Variants in PLEKHG1 observed in about 807,000 individuals in gnomAD.
PLEKHG1 encodes pleckstrin homology and RhoGEF domain containing G1, also known as pleckstrin homology domain-containing family G member 1.
Under a neutral mutation model 100.8 loss-of-function variants are expected in PLEKHG1, and 44 were observed. That is an observed-to-expected ratio of 0.44 (90% CI 0.34 to 0.56). The LOEUF (loss-of-function observed/expected upper bound fraction) is 0.56. Among genes scored for constraint, PLEKHG1 ranks in the 20% least tolerant of loss-of-function variants. The pLI is 0.01. For missense variants in PLEKHG1, 1,545 were observed against 1,720.9 expected (o/e 0.90, Z 1.81); for synonymous variants, 640 against 662.5 (o/e 0.97, Z 0.52).
At chr6:150,621,049 G>A (rs920617264) in intron 1 of PLEKHG1, among the ~76,000 whole-genome samples, 1 of 152,180 alleles carries the variant, frequency 6.6e-6, no homozygotes, top group African/African-American at 2.4e-5. Context: ...GTCTCTCTGT[G>A]CCTCAGTTTT....
intron 5 of PLEKHG1, among the ~76,000 whole-genome samples, chr6:150,797,605 C>T (rs181997715): frequency 3.3e-5 from 5 of 151,834 alleles, no homozygotes; most frequent in East Asian, 1.9e-4. Flanking sequence ...GAGGCCAAGG[C>T]AGGCACATCA....
chr6:150,803,675 T>C (rs1405853283), intron 6 of PLEKHG1, among the ~76,000 whole-genome samples: 1 of 152,184 alleles, frequency 6.6e-6, no homozygotes, highest in Non-Finnish European at 1.5e-5. Flanking sequence ...CTCTCAAGGA[T>C]TGTCTTTAGT....
At chr6:150,747,819 T>G (rs144314012) in intron 2 of PLEKHG1, among the ~76,000 whole-genome samples, 12,982 of 151,346 alleles carry the variant, frequency 0.086, 627 homozygotes, top group Admixed American at 0.14. Flanking sequence ...TCGCTTGAAC[T>G]CAGGAGGTGG....
At chr6:150,750,246 A>G (rs1219490573) in intron 2 of PLEKHG1, among the ~76,000 whole-genome samples, 1 of 152,350 alleles carries the variant, frequency 6.6e-6, no homozygotes, top group East Asian at 1.9e-4. Context: ...AAGCGACTAA[A>G]GGCTATTGCC....
rs115958960 is a variant in PLEKHG1, at chr6:150,836,462, T to C, written c.3095-3371T>C. ...TTAGTTATTGAGACCACTTTCTGTC[T>C]AAACCATGCTAGGTCCTCTATAGGG... On this transcript the variant is annotated intron_variant, in intron 15 of 15. Transcript: ENST00000358517. Among the ~76,000 whole-genome samples, 372 of 152,296 alleles carry C rather than the reference T, an allele frequency of 2.4e-3. 4 individuals carry two copies. The highest frequency in any genetic ancestry group is 8.6e-3 in the African/African-American group (358 of 41,560).
chr6:150,693,803 G>A (rs964102418), intron 3 of PLEKHG1, among the ~76,000 whole-genome samples: 5 of 152,176 alleles, frequency 3.3e-5, no homozygotes, highest in Non-Finnish European at 7.3e-5. Flanking sequence ...TTTGCACAAG[G>A]CTATGAGAGG....
chr6:150,722,584 C>A (rs781079298), intron 1 of PLEKHG1, among the ~76,000 whole-genome samples: 3 of 152,042 alleles, frequency 2.0e-5, no homozygotes, highest in Non-Finnish European at 2.9e-5. Context: ...AAACTCCTGA[C>A]CTTGTGATCC....
chr6:150,823,352 G>A (rs1178408), intron 13 of PLEKHG1, among the ~76,000 whole-genome samples: 25,965 of 152,154 alleles, frequency 0.17, 2,685 homozygotes, highest in Non-Finnish European at 0.24. Flanking sequence ...TCTTTTTCAG[G>A]AAACAACACA....
chr6:150,761,188 C>T (rs1245935383), intron 2 of PLEKHG1, among the ~76,000 whole-genome samples: 1 of 150,508 alleles, frequency 6.6e-6, no homozygotes, highest in Non-Finnish European at 1.5e-5. Flanking sequence ...TCACTGCAAC[C>T]TCCACCTCCT....
chr6:150,635,443 T>C (rs1323066973), intron 1 of PLEKHG1, among the ~76,000 whole-genome samples: 1 of 152,234 alleles, frequency 6.6e-6, no homozygotes, highest in Non-Finnish European at 1.5e-5. Context: ...ATACACTAAG[T>C]GTAATTTGTA....
exon 16 of PLEKHG1, chr6:150,841,184 TA>T (rs1419820113): frequency 1.7e-5 from 9 of 517,862 alleles, no homozygotes; most frequent in Middle Eastern, 5.6e-4. Context: ...ACGATGGCCA[TA>T]ACCTGACAAT....
chr6:150,706,998 C>CTTTTTTTTTTTTTTTTTTTT (rs71014517), intron 3 of PLEKHG1, among the ~76,000 whole-genome samples: 2 of 51,934 alleles, frequency 3.9e-5, no homozygotes, highest in South Asian at 1.2e-3. Flanking sequence ...TTTTCTTTTT[C>CTTTTTTTTTTTTTTTTTTTT]TTTTTTTTTT....
intron 3 of PLEKHG1, among the ~76,000 whole-genome samples, chr6:150,770,198 C>T (rs1784653117): frequency 6.6e-6 from 1 of 152,146 alleles, no homozygotes; most frequent in African/African-American, 2.4e-5. Context: ...CATTTTGTGA[C>T]TCAGCTATAA....
At chr6:150,799,993 G>T (rs757979073) in intron 5 of PLEKHG1, among the ~76,000 whole-genome samples, 2 of 152,150 alleles carry the variant, frequency 1.3e-5, no homozygotes, top group African/African-American at 4.8e-5. Context: ...TCATCACCTC[G>T]GGGGGATCTG....
At chr6:150,704,069 AGTTTCGG>A (rs1295649355) in intron 3 of PLEKHG1, among the ~76,000 whole-genome samples, 94 of 152,196 alleles carry the variant, frequency 6.2e-4, no homozygotes, top group African/African-American at 2.4e-5. Flanking sequence ...ATCGGTGCTG[AGTTTCGG>A]AGTTGAAAGT....
chr6:150,641,047 G>A (rs1778236169), intron 2 of PLEKHG1, among the ~76,000 whole-genome samples: 1 of 152,096 alleles, frequency 6.6e-6, no homozygotes, highest in Admixed American at 6.5e-5. Context: ...CACTACAAGT[G>A]TCCTGCCCTT....
chr6:150,776,343 C>A (rs1019570807), intron 3 of PLEKHG1, among the ~76,000 whole-genome samples: 18 of 152,292 alleles, frequency 1.2e-4, no homozygotes, highest in African/African-American at 3.9e-4. Context: ...ATTTCTTACT[C>A]CTAGTGTACA....
At chr6:150,791,553 C>T (rs1785984946) in intron 4 of PLEKHG1, among the ~76,000 whole-genome samples, 1 of 151,576 alleles carries the variant, frequency 6.6e-6, no homozygotes, top group Admixed American at 6.6e-5. Context: ...GCCTGTAATC[C>T]CAGCTACTCA....
At chr6:150,673,149 A>G (rs188033863) in intron 3 of PLEKHG1, among the ~76,000 whole-genome samples, 1 of 152,308 alleles carries the variant, frequency 6.6e-6, no homozygotes, top group East Asian at 1.9e-4. Context: ...TTTGGCATGT[A>G]TCTGCAGTTC....
Sources: allele counts gnomAD v4.1 joint callset (sites outside exome capture counted in the v4.1 genomes callset), GRCh38; gene constraint gnomAD v4.1.1; transcripts MANE v1.5; gene names NCBI Gene and HGNC (gene_info 2026-07-23, HGNC 2026-07-21).